The following LAMA2 variants were observed in gnomAD, a reference collection of about 807,000 sequenced individuals.
LAMA2 encodes laminin subunit alpha-2.
Under a neutral mutation model 364.8 loss-of-function variants are expected in LAMA2, and 269 were observed. The ratio of observed to expected loss-of-function variants is 0.74; its 90% confidence interval spans 0.67 to 0.82. LAMA2 has a LOEUF of 0.82. Among genes scored for constraint, LAMA2 ranks in the 40% least tolerant of loss-of-function variants. The pLI, the probability that LAMA2 is intolerant of heterozygous loss-of-function variation, is 0.00. For missense variants in LAMA2, 3,807 were observed against 3,873.2 expected, an observed-to-expected ratio of 0.98 and a Z score of 0.45; for synonymous variants, 1,379 against 1,370.6, an observed-to-expected ratio of 1.01 and a Z score of -0.14.
intron 12 of LAMA2, among the ~76,000 whole-genome samples, chr6:129,232,973 G>C (rs542996183): frequency 6.6e-6 from 1 of 152,100 alleles, no homozygotes; most frequent in African/African-American, 2.4e-5. Flanking sequence ...CTGGAAAAGA[G>C]CATTGGCTGA....
chr6:129,404,581 T>A (rs1320541010), intron 40 of LAMA2, among the ~76,000 whole-genome samples: 1 of 152,182 alleles, frequency 6.6e-6, no homozygotes, highest in African/African-American at 2.4e-5. Flanking sequence ...ATGCTTTAGA[T>A]GTAAAGCAAC....
chr6:129,359,097 C>T (rs1777313718), intron 32 of LAMA2, among the ~76,000 whole-genome samples: 1 of 151,754 alleles, frequency 6.6e-6, no homozygotes, highest in South Asian at 2.1e-4. Context: ...TAATACATTG[C>T]CAGTCATGTA....
chr6:129,349,339 G>A lies in LAMA2; in HGVS notation c.4478G>A (p.Arg1493His), dbSNP rs754501586. 31 of 1,613,386 alleles carry A rather than the reference G, an allele frequency of 1.9e-5. No homozygotes were observed. The highest frequency in any genetic ancestry group is 5.3e-5 in the African/African-American group (4 of 74,870). ...SCVAEGLDDY[R>H]CTACPRGYEG... is the part of the protein sequence containing the mutation. ...GTCGCAGAAGGACTTGACGACTACC[G>A]CTGCACGGCTTGTCCACGGGGATAT... The change falls in exon 31 of 65, where the codon CGC (arginine) becomes CAC (histidine). Residue 1493 changes from arginine to histidine, a missense_variant. Arg to His is a conservative substitution (Grantham distance 29). Around this residue, in one of 3 missense-constraint regions of LAMA2, gnomAD observed 3,333 missense variants for 3,345.7 expected, o/e 1.00. Coordinates refer to ENST00000421865, the MANE Select transcript of LAMA2 (RefSeq NM_000426.4).
At chr6:129,243,185 A>G (rs1334166775) in intron 12 of LAMA2, among the ~76,000 whole-genome samples, 2 of 152,164 alleles carry the variant, frequency 1.3e-5, no homozygotes, top group Non-Finnish European at 2.9e-5. Flanking sequence ...AATTCTATTT[A>G]CTTTGAATTA....
chr6:129,178,497 G>T (rs571958505), intron 10 of LAMA2, among the ~76,000 whole-genome samples: 1 of 152,222 alleles, frequency 6.6e-6, no homozygotes, highest in East Asian at 1.9e-4. Context: ...AAGCATACAG[G>T]CATGCACAAG....
At position 128,968,572 on chromosome 6, in the gene LAMA2, G is replaced by C. The variant is rs542008408; in HGVS notation, c.113-81346G>C. 4.6e-5 allele frequency among the ~76,000 whole-genome samples: 7 copies of C among 152,312 alleles called. No homozygotes were observed. In the East Asian group the frequency reaches 1.3e-3, roughly 29 times the overall value. ...AGTCAAGAAAGGCCCTGCTAAAGAAGTGTTGGGTTGGTTAGAGCCCAGCAA... is the reference window on the plus strand; with the variant it reads ...AGTCAAGAAAGGCCCTGCTAAAGAACTGTTGGGTTGGTTAGAGCCCAGCAA... On this transcript the variant is annotated intron_variant, in intron 1 of 64. Coordinates refer to ENST00000421865, the MANE Select transcript of LAMA2 (RefSeq NM_000426.4).
chr6:128,891,642 G>C (rs954804353), intron 1 of LAMA2, among the ~76,000 whole-genome samples: 2 of 151,962 alleles, frequency 1.3e-5, no homozygotes, highest in Admixed American at 1.3e-4. Flanking sequence ...AACCTAACAT[G>C]ACATTCTCTG....
chr6:129,190,157 A>G (rs376081535), intron 10 of LAMA2, 48 bp from the exon 11 acceptor site: 5 of 1,596,966 alleles, frequency 3.1e-6, no homozygotes, highest in Non-Finnish European at 3.4e-6. Flanking sequence ...GACGCAGCTC[A>G]TAATGTTGAA....
chr6:128,892,244 G>A (rs941762646), intron 1 of LAMA2, among the ~76,000 whole-genome samples: 2 of 151,784 alleles, frequency 1.3e-5, no homozygotes, highest in African/African-American at 2.4e-5. Flanking sequence ...TAATTCTGTC[G>A]AGGTTACACA....
At chr6:129,364,739 A>G (rs563890864) in intron 32 of LAMA2, among the ~76,000 whole-genome samples, 3 of 152,296 alleles carry the variant, frequency 2.0e-5, no homozygotes, top group African/African-American at 7.2e-5. Flanking sequence ...TGGTGAGTGT[A>G]TTAGTCCATT....
chr6:128,995,695 C>T (rs775089069), intron 1 of LAMA2, among the ~76,000 whole-genome samples: 15 of 152,128 alleles, frequency 9.9e-5, no homozygotes, highest in Non-Finnish European at 2.2e-4. Context: ...CTGTTGTTCC[C>T]ACTTTTATGA....
chr6:129,005,828 AT>A (rs1562911700), intron 1 of LAMA2, among the ~76,000 whole-genome samples: 1 of 150,862 alleles, frequency 6.6e-6, no homozygotes, highest in Non-Finnish European at 1.5e-5. Flanking sequence ...CTACATATAT[AT>A]TTTTTGGTTA....
chr6:128,932,983 C>T (rs760815616), intron 1 of LAMA2, among the ~76,000 whole-genome samples: 1 of 152,090 alleles, frequency 6.6e-6, no homozygotes, highest in African/African-American at 2.4e-5. Flanking sequence ...CCCTTTGACC[C>T]AAACCTCTCA....
At chr6:129,023,895 A>G (rs1382889299) in intron 1 of LAMA2, among the ~76,000 whole-genome samples, 2 of 152,014 alleles carry the variant, frequency 1.3e-5, no homozygotes, top group African/African-American at 2.4e-5. Flanking sequence ...TTTTATATCA[A>G]TATTATTTTT....
chr6:129,015,637 A>G (rs1785021584), intron 1 of LAMA2, among the ~76,000 whole-genome samples: 1 of 152,094 alleles, frequency 6.6e-6, no homozygotes, highest in Non-Finnish European at 1.5e-5. Context: ...TGTCAAAGAA[A>G]GGTATTACCT....
chr6:128,912,368 A>G (rs182262160), intron 1 of LAMA2, among the ~76,000 whole-genome samples: 20 of 152,288 alleles, frequency 1.3e-4, no homozygotes, highest in African/African-American at 4.6e-4. Context: ...TTTTTACACA[A>G]TTAAAAAACT....
At chr6:129,438,585 C>A in intron 41 of LAMA2, 61 bp from the exon 42 acceptor site, 1 of 817,062 alleles carries the variant, frequency 1.2e-6, no homozygotes, top group Non-Finnish European at 2.1e-6. Flanking sequence ...ATTGCACATC[C>A]AAGTATAAGC....
chr6:129,149,494 T>C (rs1319606341), intron 7 of LAMA2, among the ~76,000 whole-genome samples: 2 of 152,178 alleles, frequency 1.3e-5, no homozygotes, highest in African/African-American at 4.8e-5. Context: ...TTCAGCTCAC[T>C]AAGTATATAT....
At chr6:128,980,092 T>A (rs927069409) in intron 1 of LAMA2, among the ~76,000 whole-genome samples, 1 of 152,180 alleles carries the variant, frequency 6.6e-6, no homozygotes, top group Non-Finnish European at 1.5e-5. Flanking sequence ...GCTCCAGGAA[T>A]CATAATTGCT....
Sources: gnomAD v4.1 joint callset for allele counts (sites outside exome capture counted in the v4.1 genomes callset) on GRCh38, gnomAD v4.1.1 for gene constraint, gnomAD v4.1.1 regional missense constraint, MANE v1.5 for transcripts, NCBI Gene and HGNC (gene_info 2026-07-23, HGNC 2026-07-21) for gene names.